The following AKAP6 variants were observed in gnomAD, a reference collection of about 807,000 sequenced individuals.
AKAP6 encodes A-kinase anchor protein 6.
In AKAP6, 58 loss-of-function variants were observed where a neutral mutation model predicts 188.5. The ratio of observed to expected loss-of-function variants is 0.31; its 90% CI spans 0.25 to 0.38. The LOEUF is 0.38. Among genes scored for constraint, AKAP6 ranks in the 10% least tolerant of loss-of-function variants. The pLI, the probability that AKAP6 is intolerant of heterozygous loss-of-function variation, is 1.00. For synonymous variants in AKAP6, 989 were observed against 998.6 expected (o/e 0.99, Z 0.18); for missense variants, 2,710 against 2,740.0 (o/e 0.99, Z 0.24).
intron 9 of AKAP6, among the ~76,000 whole-genome samples, chr14:32,701,597 G>C (rs1422490055): frequency 6.6e-6 from 1 of 152,034 alleles, no homozygotes; most frequent in Non-Finnish European, 1.5e-5. Flanking sequence ...AGGAAATATA[G>C]AGTACAAGAA....
intron 11 of AKAP6, among the ~76,000 whole-genome samples, chr14:32,758,700 T>TCC (rs1384947623): frequency 2.0e-5 from 3 of 151,992 alleles, no homozygotes; most frequent in Admixed American, 2.0e-4. Context: ...ACCATTGCAC[T>TCC]CCACCCTGGG....
rs956185 is a variant in AKAP6, at chr14:32,589,693, G to A, written c.2470-9717G>A. Among the ~76,000 whole-genome samples the A allele has an allele frequency of 7.9e-3, 1,196 of 152,260 alleles. 24 individuals carry two copies. The highest frequency in any genetic ancestry group is 0.028 in the African/African-American group (1,164 of 41,540). ...AGTTATTGTTTTGAAAATTGTTAGT[G>A]CCCAGATATTTTACTAATTTATTAC... On this transcript the variant is annotated intron_variant, in intron 5 of 13. Coordinates refer to ENST00000280979, the MANE Select transcript of AKAP6 (RefSeq NM_004274.5).
In AKAP6 at chr14:32,833,608, A is replaced by G. The variant is rs1162959633; in HGVS notation, c.*3803A>G. On this transcript the variant is annotated 3_prime_UTR_variant, in exon 14 of 14. Coordinates refer to ENST00000280979, the MANE Select transcript of AKAP6 (RefSeq NM_004274.5). ...TTGTTGTGTTTGGTTCATCCGGACT[A>G]GGTTTCACCCATTCTATAATTCCTA... is the stretch of plus-strand genomic sequence containing the variant. 2.6e-5 allele frequency: 4 copies of G among 152,224 alleles called. No individual in the cohort carries two copies. Among genetic ancestry groups the G allele is most frequent in the Admixed American group, 1.3e-4 (2 of 15,282 alleles). The allele number at this position is 152,224 out of a possible 1,614,324, so 9.4% of individuals were successfully genotyped here.
chr14:32,823,979 G>C lies in AKAP6; in HGVS notation c.6166G>C (p.Val2056Leu). ...FHQKDAEDCS[V>L]HNFVKEIIDM... is the part of the protein sequence containing the mutation. ...TCAAAAAGATGCCGAAGATTGTTCAGTACACAACTTTGTTAAGGAAATCAT... is the reference window on the plus strand; with the variant it reads ...TCAAAAAGATGCCGAAGATTGTTCACTACACAACTTTGTTAAGGAAATCAT... Residue 2056 changes from valine to leucine, a missense_variant, in exon 13 of 14, where the codon GTA becomes CTA. Around this residue, in one of 2 missense-constraint regions of AKAP6, gnomAD observed 2,473 missense variants for 2,426.1 expected, o/e 1.02. Transcript: ENST00000280979. The C allele has an allele frequency of 1.9e-6, 3 of 1,613,972 alleles. No individual in the cohort carries two copies. The highest frequency in any genetic ancestry group is 2.5e-6 in the Non-Finnish European group (3 of 1,179,930).
chr14:32,801,671 T>C (rs2033952718), intron 12 of AKAP6, among the ~76,000 whole-genome samples: 2 of 152,214 alleles, frequency 1.3e-5, no homozygotes, highest in Admixed American at 1.3e-4. Flanking sequence ...ATTTTTAATA[T>C]TTTTTGTAGG....
chr14:32,673,230 C>T (rs1425447564), intron 7 of AKAP6, among the ~76,000 whole-genome samples: 2 of 152,208 alleles, frequency 1.3e-5, no homozygotes, highest in Admixed American at 1.3e-4. Flanking sequence ...ACCCCCAACC[C>T]CCACCTTCAA....
At chr14:32,666,052 T>G (rs1027823152) in intron 7 of AKAP6, among the ~76,000 whole-genome samples, 24 of 152,228 alleles carry the variant, frequency 1.6e-4, no homozygotes, top group African/African-American at 5.3e-4. Context: ...CATTAGAATT[T>G]TAAGTAAACA....
rs1160572763 is a variant in AKAP6 at position 32,832,733 on chromosome 14, T to G, written c.*2928T>G. On this transcript the variant is annotated 3_prime_UTR_variant, in exon 14 of 14. Transcript: ENST00000280979. ...TCTTAGGTTGCTAAAATCTGCCTAGTACCCCGCTACCCTGTTCTGTCTTAT... is the reference window on the plus strand; with the variant it reads ...TCTTAGGTTGCTAAAATCTGCCTAGGACCCCGCTACCCTGTTCTGTCTTAT... 1 of 152,610 alleles carries G rather than the reference T, an allele frequency of 6.6e-6. No individual in the cohort carries two copies. The highest frequency in any genetic ancestry group is 2.4e-5 in the African/African-American group (1 of 41,460). 9.5% of individuals were successfully genotyped at this position (152,610 alleles called of 1,614,324 possible).
intron 2 of AKAP6, among the ~76,000 whole-genome samples, chr14:32,435,958 A>T (rs1178611449): frequency 6.6e-6 from 1 of 152,202 alleles, no homozygotes; most frequent in East Asian, 1.9e-4. Flanking sequence ...TTTCAAAAAT[A>T]TTTTAAATAA....
chr14:32,695,878 A>T lies in AKAP6; in HGVS notation c.2880-112A>T, dbSNP rs3742927. On this transcript the variant is annotated intron_variant, in intron 8 of 13. Coordinates refer to ENST00000280979, the MANE Select transcript of AKAP6 (RefSeq NM_004274.5). ...CAACATAGAAATTTTCTCTTCTCTTATTGTAGATAACACTAGAAACATCAT... is the reference window on the plus strand; with the variant it reads ...CAACATAGAAATTTTCTCTTCTCTTTTTGTAGATAACACTAGAAACATCAT... 0.54 allele frequency: 709,306 copies of T among 1,303,108 alleles called. 199,066 individuals carry two copies. The highest frequency in any genetic ancestry group is 0.83 in the East Asian group (29,647 of 35,516). 80.7% of individuals were successfully genotyped at this position (1,303,108 alleles called of 1,614,324 possible).
At chr14:32,681,076 T>C (rs1349691004) in intron 8 of AKAP6, among the ~76,000 whole-genome samples, 1 of 152,224 alleles carries the variant, frequency 6.6e-6, no homozygotes, top group Non-Finnish European at 1.5e-5. Context: ...AAAGCACTTA[T>C]CAGTTGCCTT....
chr14:32,406,919 AAG>A (rs1014892915), intron 1 of AKAP6, among the ~76,000 whole-genome samples: 2 of 152,228 alleles, frequency 1.3e-5, no homozygotes, highest in African/African-American at 4.8e-5. Flanking sequence ...AACAAAATGG[AAG>A]AAAGATCTAT....
At chr14:32,828,628 C>A (rs186139551) in intron 13 of AKAP6, among the ~76,000 whole-genome samples, 3 of 151,798 alleles carry the variant, frequency 2.0e-5, no homozygotes, top group Non-Finnish European at 4.4e-5. Context: ...CCAAGTGGGC[C>A]AAGTTGAAAG....
chr14:32,780,790 T>A (rs918537497), intron 12 of AKAP6, among the ~76,000 whole-genome samples: 5 of 152,168 alleles, frequency 3.3e-5, no homozygotes, highest in Non-Finnish European at 7.3e-5. Context: ...ATAACTCATG[T>A]CATACAAAGT....
intron 9 of AKAP6, chr14:32,718,313 G>T: frequency 1.0e-6 from 1 of 985,344 alleles, no homozygotes; most frequent in Non-Finnish European, 1.2e-6. Context: ...GGCTGCAGCA[G>T]CAGCGTTTAA....
intron 11 of AKAP6, among the ~76,000 whole-genome samples, chr14:32,746,600 A>C (rs1158852406): frequency 1.3e-5 from 2 of 152,166 alleles, no homozygotes; most frequent in African/African-American, 2.4e-5. Context: ...AAGAGGTACA[A>C]GGGGAATGAT....
intron 2 of AKAP6, among the ~76,000 whole-genome samples, chr14:32,514,206 A>C (rs888783076): frequency 1.3e-5 from 2 of 152,214 alleles, no homozygotes; most frequent in African/African-American, 4.8e-5. Flanking sequence ...TAATTTTCAG[A>C]ACCTTAACCA....
chr14:32,556,916 T>C (rs767402295), intron 4 of AKAP6, among the ~76,000 whole-genome samples: 2 of 152,048 alleles, frequency 1.3e-5, no homozygotes, highest in Non-Finnish European at 2.9e-5. Context: ...GAGTTCTCTC[T>C]CTCTCTTTTT....
At chr14:32,769,228 A>G (rs1372675986) in intron 11 of AKAP6, among the ~76,000 whole-genome samples, 1 of 150,622 alleles carries the variant, frequency 6.6e-6, no homozygotes, top group Non-Finnish European at 1.5e-5. Flanking sequence ...TTATATTTTT[A>G]ATAGAGATGG....
Sources: allele counts gnomAD v4.1 joint callset (sites outside exome capture counted in the v4.1 genomes callset), GRCh38; gene constraint gnomAD v4.1.1; regional missense constraint gnomAD v4.1.1; transcripts MANE v1.5; gene names NCBI Gene and HGNC (gene_info 2026-07-23, HGNC 2026-07-21).